Variants in ANO1 observed in about 807,000 individuals in gnomAD.
The protein encoded by ANO1 is anoctamin 1, also known as anoctamin-1.
In ANO1, 59 loss-of-function variants were observed where a neutral mutation model predicts 124.0. That is an observed-to-expected ratio of 0.48 (90% CI 0.39 to 0.59). The LOEUF (loss-of-function observed/expected upper bound fraction) is 0.59, where lower values mean the gene tolerates loss of function less well. Ranked by LOEUF, ANO1 falls within the 20% of genes least tolerant of loss-of-function variation. The pLI, the probability that ANO1 is intolerant of heterozygous loss-of-function variation, is 0.00. For synonymous variants in ANO1, 529 were observed against 532.0 expected, an observed-to-expected ratio of 0.99 and a Z score of 0.08; for missense variants, 1,059 against 1,328.0, an observed-to-expected ratio of 0.80 and a Z score of 3.15.
At chr11:70,185,717 T>G (rs1336463321) in intron 25 of ANO1, 22 bp downstream of exon 25, 1 of 1,611,864 alleles carries the variant, frequency 6.2e-7, no homozygotes. Context: ...CCCTCTTTGT[T>G]TCCGGTTTGA....
chr11:70,006,872 G>A (rs997270377), intron 1 of ANO1, among the ~76,000 whole-genome samples: 3 of 151,762 alleles, frequency 2.0e-5, no homozygotes, highest in Non-Finnish European at 2.9e-5. Flanking sequence ...GTTTCGCCAC[G>A]TTGGCCAGGC....
chr11:70,113,226 G>T (rs916571029), intron 7 of ANO1, among the ~76,000 whole-genome samples: 6 of 152,018 alleles, frequency 3.9e-5, no homozygotes, highest in Admixed American at 3.3e-4. Flanking sequence ...GCCTCAGATG[G>T]TCCCTGTCCT....
At chr11:70,094,152 C>T (rs937051325) in intron 2 of ANO1, among the ~76,000 whole-genome samples, 6 of 152,210 alleles carry the variant, frequency 3.9e-5, no homozygotes, top group Non-Finnish European at 7.3e-5. Context: ...CTCACCACTC[C>T]CAGGGCCTGA....
At chr11:70,027,684 C>T (rs1856932429) in intron 1 of ANO1, among the ~76,000 whole-genome samples, 1 of 152,186 alleles carries the variant, frequency 6.6e-6, no homozygotes, top group Admixed American at 6.5e-5. Flanking sequence ...GAAATAGTGA[C>T]AGTCAGGTCT....
chr11:70,059,305 C>A lies in ANO1; in HGVS notation c.59-19237C>A, dbSNP rs186575076. Among the ~76,000 whole-genome samples the A allele has an allele frequency of 7.8e-5, 10 of 127,650 alleles. No homozygotes were observed. In the Admixed American group the frequency reaches 9.6e-4, roughly 12 times the overall value. 83.7% of individuals were successfully genotyped at this position (127,650 alleles called of 152,430 possible). Reference sequence around the variant, plus strand: ...GGTGGAGCTTGTAGTGAGCTGAGATCATACCACTGCACTCTAGCCTGGGCG... The same window carrying A: ...GGTGGAGCTTGTAGTGAGCTGAGATAATACCACTGCACTCTAGCCTGGGCG... On this transcript the variant is annotated intron_variant, in intron 1 of 27. Transcript: ENST00000531349.
At chr11:69,999,443 G>A (rs904388649) in intron 1 of ANO1, among the ~76,000 whole-genome samples, 4 of 152,076 alleles carry the variant, frequency 2.6e-5, no homozygotes, top group African/African-American at 9.7e-5. Context: ...ATTTGGGCGG[G>A]GACAATGTCC....
At chr11:70,058,758 G>T (rs1265910288) in intron 1 of ANO1, among the ~76,000 whole-genome samples, 1 of 152,328 alleles carries the variant, frequency 6.6e-6, no homozygotes, top group Admixed American at 6.5e-5. Context: ...GGCTGAGCTT[G>T]GTGAGGTGTG....
At chr11:70,088,522 A>AC in intron 2 of ANO1, among the ~76,000 whole-genome samples, 1 of 110,456 alleles carries the variant, frequency 9.1e-6, no homozygotes, top group East Asian at 3.0e-4. Flanking sequence ...AAAAAAAAAA[A>AC]AAAAAAGAAG....
At chr11:70,131,658 G>C (rs2135524277) in intron 10 of ANO1, among the ~76,000 whole-genome samples, 1 of 152,354 alleles carries the variant, frequency 6.6e-6, no homozygotes, top group East Asian at 1.9e-4. Flanking sequence ...CAACAGGGGA[G>C]CATTAAACCA....
At chr11:70,053,896 G>C (rs1857391979) in intron 1 of ANO1, among the ~76,000 whole-genome samples, 1 of 152,160 alleles carries the variant, frequency 6.6e-6, no homozygotes, top group Non-Finnish European at 1.5e-5. Context: ...CCTCTTCTTA[G>C]GCAAGTGTTG....
rs1051461320 is a variant in ANO1 at position 70,185,765 on chromosome 11, C to T, written c.2694+70C>T. 6.1e-5 allele frequency: 92 copies of T among 1,517,306 alleles called. 2 individuals are homozygous for T. The South Asian group carries it at 9.7e-4, about 16-fold the overall frequency. 94.0% of individuals were successfully genotyped at this position (1,517,306 alleles called of 1,614,324 possible). A position where few individuals can be genotyped will look rare whatever the true frequency, so the allele number is the denominator to read the frequency against. On this transcript the variant is annotated intron_variant, in intron 25 of 25. Transcript: ENST00000355303. The stretch of plus-strand genomic sequence containing the variant: ...TTAGGGACCATCCTGTGCCTACAGT[C>T]TGGAAGTCAGGAGCTGCTAAAGCCA...
At chr11:70,097,564 A>T (rs2045049625) in intron 2 of ANO1, among the ~76,000 whole-genome samples, 1 of 152,152 alleles carries the variant, frequency 6.6e-6, no homozygotes, top group Non-Finnish European at 1.5e-5. Flanking sequence ...AGGAGTGAGC[A>T]TTGCAGGGTC....
chr11:70,144,347 T>G lies in ANO1; in HGVS notation c.1259-5363T>G, dbSNP rs538016907. Among the ~76,000 whole-genome samples, 5 of 151,464 alleles carry G rather than the reference T, an allele frequency of 3.3e-5. No homozygotes were observed. In the East Asian group the frequency reaches 7.8e-4, roughly 24 times the overall value. On this transcript the variant is annotated intron_variant, in intron 11 of 25. Transcript: ENST00000355303. Reference sequence around the variant, plus strand: ...GGATGAAGTCAGGGACACCCTGTGATATGCGGGCCCTGCCCTGAGCACCGC... The same window carrying G: ...GGATGAAGTCAGGGACACCCTGTGAGATGCGGGCCCTGCCCTGAGCACCGC...
At position 70,016,194 on chromosome 11, in the gene ANO1, A is replaced by G. The variant is rs148701371; in HGVS notation, c.58+30028A>G. On this transcript the variant is annotated intron_variant, in intron 1 of 27. Transcript: ENST00000531349. ...AGGTGCACGCCACCACGCCCAGCTA[A>G]TTTTTGTATTTTTAGTAGAGACAGG... Among the ~76,000 whole-genome samples the G allele has an allele frequency of 3.4e-3, 513 of 151,868 alleles. 1 individual carries two copies. Among genetic ancestry groups the G allele is most frequent in the African/African-American group, 0.012 (484 of 41,418 alleles).
chr11:70,138,629 T>C (rs1349421509), intron 11 of ANO1, among the ~76,000 whole-genome samples: 1 of 152,072 alleles, frequency 6.6e-6, no homozygotes, highest in African/African-American at 2.4e-5. Context: ...AGGAGGTAAA[T>C]AGCTCTATGA....
intron 2 of ANO1, among the ~76,000 whole-genome samples, chr11:70,099,145 G>A (rs1441659659): frequency 1.3e-5 from 2 of 152,194 alleles, no homozygotes; most frequent in Non-Finnish European, 2.9e-5. Flanking sequence ...AAAGACCCCA[G>A]CTTGAGGGCC....
At position 70,111,765 on chromosome 11, in the gene ANO1, AAG is replaced by A. The variant is rs777658212; in HGVS notation, c.855+4_855+5del. 6.2e-7 allele frequency: 1 copy of A among 1,613,980 alleles called. No homozygotes were observed. On this transcript the variant is annotated splice_donor_5th_base_variant and intron_variant, in intron 7 of 25. Coordinates refer to ENST00000355303, the MANE Select transcript of ANO1 (RefSeq NM_018043.7). ...CGGCTGCATACCCACTGCACGATGT[AAG>A]TAACCTTGACACACGATTTATCTCT...
chr11:69,979,196 G>A, the ANO1 span, among the ~76,000 whole-genome samples: 4 of 152,336 alleles, frequency 2.6e-5, no homozygotes, highest in African/African-American at 9.6e-5. Context: ...TGAACGTAGT[G>A]AATGACAGGG....
upstream of ANO1, among the ~76,000 whole-genome samples, chr11:69,981,431 A>G (rs1293382119): frequency 6.6e-6 from 1 of 152,242 alleles, no homozygotes; most frequent in African/African-American, 2.4e-5. Context: ...CTGGCACACA[A>G]TAAGTGCTCT....
Sources: allele counts gnomAD v4.1 joint callset (sites outside exome capture counted in the v4.1 genomes callset), GRCh38; gene constraint gnomAD v4.1.1; transcripts MANE v1.5; gene names NCBI Gene and HGNC (gene_info 2026-07-23, HGNC 2026-07-21).